The following IGFN1 variants were observed in gnomAD, a reference collection of about 807,000 sequenced individuals.
IGFN1 encodes immunoglobulin like and fibronectin type III domain containing 1, also known as immunoglobulin-like and fibronectin type III domain-containing protein 1.
Under a neutral mutation model 289.5 loss-of-function variants are expected in IGFN1, and 253 were observed. The observed-to-expected ratio is 0.87, with a 90% CI of 0.79 to 0.97. The LOEUF (loss-of-function observed/expected upper bound fraction) is 0.97, where lower values mean the gene tolerates loss of function less well. IGFN1 is among the 50% of genes least tolerant of loss of function. The pLI is 0.00. For synonymous variants in IGFN1, 1,706 were observed against 1,788.5 expected, an observed-to-expected ratio of 0.95 and a Z score of 1.16; for missense variants, 4,470 against 4,686.1, an observed-to-expected ratio of 0.95 and a Z score of 1.35.
In IGFN1 at chr1:201,208,240, G is replaced by A; in HGVS notation, c.3347G>A (p.Arg1116Lys). ...GAACCAGAGAGCTCTGGAAGAATAA[G>A]GCCTTGGGGTCAGACTGGAAATTAT... ...EAEPESSGRI[R>K]PWGQTGNYGG... The change falls in exon 12 of 24, where the codon AGG becomes AAG. Residue 1116 changes from arginine (R) to lysine (K), a missense_variant. Physicochemically the swap from Arg to Lys is conservative, Grantham distance 26. Around this residue, in one of 8 missense-constraint regions of IGFN1, gnomAD observed 2,011 missense variants for 1,953.4 expected, o/e 1.03. Transcript: ENST00000335211. The A allele has an allele frequency of 1.3e-6, 2 of 1,536,500 alleles. No individual in the cohort carries two copies. Among genetic ancestry groups the A allele is most frequent in the Non-Finnish European group, 1.7e-6 (2 of 1,146,790 alleles).
At chr1:201,214,719 T>G (rs558021056) in intron 13 of IGFN1, among the ~76,000 whole-genome samples, 1 of 152,206 alleles carries the variant, frequency 6.6e-6, no homozygotes, top group South Asian at 2.1e-4. Flanking sequence ...CAGTATCAGC[T>G]AAGTCTGGCT....
chr1:201,204,582 G>C (rs1013483770), intron 10 of IGFN1, among the ~76,000 whole-genome samples: 1 of 152,234 alleles, frequency 6.6e-6, no homozygotes, highest in South Asian at 2.1e-4. Context: ...ATGGGGCTTT[G>C]GAAAGCCTGA....
chr1:201,207,499 G>T lies in IGFN1; in HGVS notation c.2606G>T (p.Gly869Val), dbSNP rs1415402978. ...CCCAGTGGAGGACAAGAGGGTATGG[G>T]TGGTATCTGGGTGGCTGGACTGACG... is the stretch of plus-strand genomic sequence containing the variant. ...LGPSGGQEGM[G>V]GIWVAGLTES... The change falls in exon 12 of 24, where the codon GGT becomes GTT. Residue 869 changes from glycine (G) to valine (V), a missense_variant. By Grantham distance (109) the Gly-to-Val change is moderately radical. This residue lies in a region of IGFN1 where 2,011 missense variants were observed against 1,953.4 expected (regional missense o/e 1.03). Coordinates refer to ENST00000335211, the MANE Select transcript of IGFN1 (RefSeq NM_001164586.2). The T allele has an allele frequency of 3.3e-6, 5 of 1,535,074 alleles. No individual in the cohort carries two copies. The South Asian group carries it at 6.0e-5, about 18-fold the overall frequency.
At chr1:201,224,175 C>A (rs533304061) in intron 20 of IGFN1, among the ~76,000 whole-genome samples, 9 of 152,292 alleles carry the variant, frequency 5.9e-5, no homozygotes, top group African/African-American at 2.2e-4. Flanking sequence ...TCAGGGTCAC[C>A]ACAGTTCAAG....
rs1667838165 is a variant in IGFN1 at position 201,212,002 on chromosome 1, C to T, written c.7109C>T (p.Ser2370Leu). ...TCAGGGAGGCTTGGAGTACCAGGCT[C>T]ACTGGCTGGAATAGGACATGAGGCT... ...DGSGRLGVPGSLAGIGHEAGP... is the reference protein window; with the variant it reads ...DGSGRLGVPGLLAGIGHEAGP... The change falls in exon 12 of 24, where the codon TCA (serine) becomes TTA (leucine). Residue 2370 changes from serine (S) to leucine (L), a missense_variant. Ser to Leu is a moderately radical substitution (Grantham distance 145). Coordinates refer to ENST00000335211, the MANE Select transcript of IGFN1 (RefSeq NM_001164586.2). 2 of 1,535,784 alleles carry T rather than the reference C, an allele frequency of 1.3e-6. No individual in the cohort carries two copies. Among genetic ancestry groups the T allele is most frequent in the South Asian group, 1.2e-5 (1 of 84,000 alleles).
At chr1:201,220,182 TTC>T (rs3057870) in intron 18 of IGFN1, among the ~76,000 whole-genome samples, 126,317 of 141,818 alleles carry the variant, frequency 0.89, 56,264 homozygotes, top group East Asian at 0.98. Context: ...ATCCCTTTCT[TTC>T]TCTCTCTCTC....
intron 2 of IGFN1, 151 bp from the exon 3 acceptor site, chr1:201,194,003 A>G: frequency 1.3e-6 from 1 of 779,184 alleles, no homozygotes. Flanking sequence ...GTGCACAGGC[A>G]GGAGGTACTA....
In IGFN1 at chr1:201,216,598, C is replaced by G; in HGVS notation, c.9440C>G (p.Thr3147Ser). ...VVERRQAGRS[T>S]WLKVGEAPAD... ...GAGAGACGGCAGGCTGGCAGGAGCA[C>G]TTGGCTGAAGGTGGGCGAGGCCCCC... The change falls in exon 16 of 24, where the codon ACT (threonine) becomes AGT (serine). Residue 3147 changes from threonine (T) to serine (S), a missense_variant. Physicochemically the swap from Thr to Ser is moderately conservative, Grantham distance 58. Around this residue, in one of 8 missense-constraint regions of IGFN1, gnomAD observed 2,218 missense variants for 2,114.1 expected, o/e 1.05. Coordinates refer to ENST00000335211, the MANE Select transcript of IGFN1 (RefSeq NM_001164586.2). The G allele has an allele frequency of 6.2e-7, 1 of 1,613,832 alleles. No individual in the cohort carries two copies. Among genetic ancestry groups the G allele is most frequent in the Non-Finnish European group, 8.5e-7 (1 of 1,179,886 alleles).
chr1:201,212,495 G>A lies in IGFN1; in HGVS notation c.7602G>A (p.Val2534=). The change falls in exon 12 of 24, where the codon GTG becomes GTA. Residue 2534 remains valine, a synonymous_variant. Coordinates refer to ENST00000335211, the MANE Select transcript of IGFN1 (RefSeq NM_001164586.2). ...GGTTTCTTGATGGCAAGGGGGCAGT[G>A]GAAGGTGAGACCTGGGCAGGAATGG... ...ASGFLDGKGA[V]EGETWAGMAA... is the part of the protein sequence containing the mutation. 2 of 1,542,730 alleles carry A rather than the reference G, an allele frequency of 1.3e-6. No individual in the cohort carries two copies. The highest frequency in any genetic ancestry group is 8.7e-7 in the Non-Finnish European group (1 of 1,146,856).
intron 21 of IGFN1, among the ~76,000 whole-genome samples, 178 bp from the exon 22 acceptor site, chr1:201,225,646 G>T (rs1436405038): frequency 6.6e-6 from 1 of 152,218 alleles, no homozygotes; most frequent in Non-Finnish European, 1.5e-5. Flanking sequence ...CTTTTGGGGA[G>T]ATTTTCTACC....
chr1:201,198,237 G>A (rs1666996295), intron 5 of IGFN1, among the ~76,000 whole-genome samples: 1 of 152,216 alleles, frequency 6.6e-6, no homozygotes, highest in Admixed American at 6.5e-5. Flanking sequence ...CCGGGTTCAA[G>A]CAATTCTCCT....
intron 18 of IGFN1, among the ~76,000 whole-genome samples, chr1:201,218,880 A>G (rs569414026): frequency 3.0e-3 from 458 of 152,158 alleles, no homozygotes; most frequent in Non-Finnish European, 4.8e-3. Context: ...GTGGGATTAG[A>G]GGATTCCTTC....
In IGFN1 at chr1:201,227,227, G is replaced by A; in HGVS notation, c.11113+19G>A. On this transcript the variant is annotated intron_variant, in intron 23 of 23. Transcript: ENST00000335211. ...GTCATAGGTAATGGTGGCTGCCCTG[G>A]CAGTGGGGCAGGAAGGAGAGCCAGG... The A allele has an allele frequency of 1.3e-6, 2 of 1,536,668 alleles. No homozygotes were observed. Among genetic ancestry groups the A allele is most frequent in the East Asian group, 2.4e-5 (1 of 41,012 alleles).
rs1366533593 is a variant in IGFN1 at position 201,199,340 on chromosome 1, T to C, written c.374T>C (p.Phe125Ser). 2 of 1,552,104 alleles carry C rather than the reference T, an allele frequency of 1.3e-6. No homozygotes were observed. Among genetic ancestry groups the C allele is most frequent in the Admixed American group, 2.0e-5 (1 of 50,998 alleles). Residue 125 changes from phenylalanine (F) to serine (S), a missense_variant, in exon 6 of 24, where the codon TTT becomes TCT. By Grantham distance (155) the Phe-to-Ser change is radical. Coordinates refer to ENST00000335211, the MANE Select transcript of IGFN1 (RefSeq NM_001164586.2). ...SVRLTVIEVG[F>S]RKNRKRHREP... ...TCCTCCCTGGATGTTGCAGTTGGCTTTCGGAAGAATCGGAAGAGGCACAGG... is the reference window on the plus strand; with the variant it reads ...TCCTCCCTGGATGTTGCAGTTGGCTCTCGGAAGAATCGGAAGAGGCACAGG...
intron 16 of IGFN1, 33 bp from the exon 17 acceptor site, chr1:201,217,254 C>A (rs748513646): frequency 1.9e-6 from 3 of 1,603,982 alleles, no homozygotes; most frequent in Admixed American, 1.7e-5. Flanking sequence ...CTTTCCCAGG[C>A]CTCTGGCTGA....
chr1:201,211,639 A>C lies in IGFN1; in HGVS notation c.6746A>C (p.Asp2249Ala). The C allele has an allele frequency of 6.5e-7, 1 of 1,527,380 alleles. No individual in the cohort carries two copies. Among genetic ancestry groups the C allele is most frequent in the Non-Finnish European group, 8.7e-7 (1 of 1,143,296 alleles). 94.6% of individuals were successfully genotyped at this position (1,527,380 alleles called of 1,614,324 possible). A position where few individuals can be genotyped will look rare whatever the true frequency, so the allele number is the denominator to read the frequency against. Residue 2249 changes from aspartate (D) to alanine (A), a missense_variant, in exon 12 of 24, where the codon GAT becomes GCT. Coordinates refer to ENST00000335211, the MANE Select transcript of IGFN1 (RefSeq NM_001164586.2). Reference sequence around the variant, plus strand: ...GAAATGGGGTCAATGGATGAGGCAGATTATAGGAAGGATTTGGGAGCTCCT... The same window carrying C: ...GAAATGGGGTCAATGGATGAGGCAGCTTATAGGAAGGATTTGGGAGCTCCT... The part of the protein sequence containing the change: ...SGEMGSMDEA[D>A]YRKDLGAPEE...
chr1:201,218,845 C>T (rs1653516881), intron 18 of IGFN1, among the ~76,000 whole-genome samples, 187 bp downstream of exon 18: 2 of 151,998 alleles, frequency 1.3e-5, no homozygotes, highest in Admixed American at 6.6e-5. Context: ...CCTACGTGAG[C>T]TCAAACAGGC....
Position 201,202,878 on chromosome 1 carries a change from C to T in IGFN1, c.748-860C>T, listed in dbSNP as rs1667229266. Among the ~76,000 whole-genome samples the T allele has an allele frequency of 2.0e-5, 3 of 151,688 alleles. No homozygotes were observed. In the South Asian group the frequency reaches 6.3e-4, roughly 32 times the overall value. On this transcript the variant is annotated intron_variant, in intron 9 of 23. Coordinates refer to ENST00000335211, the MANE Select transcript of IGFN1 (RefSeq NM_001164586.2). ...TCAAGTGATTCTCCTGCCTCAGCCTCCCGAGTAGCTGGGATTACAGGTGTT... is the reference window on the plus strand; with the variant it reads ...TCAAGTGATTCTCCTGCCTCAGCCTTCCGAGTAGCTGGGATTACAGGTGTT...
At chr1:201,216,996 T>C (rs1653352911) in intron 16 of IGFN1, among the ~76,000 whole-genome samples, 1 of 152,034 alleles carries the variant, frequency 6.6e-6, no homozygotes, top group South Asian at 2.1e-4. Flanking sequence ...CTGTCGCGGG[T>C]CCCAGGGAGA....
Sources: allele counts gnomAD v4.1 joint callset (sites outside exome capture counted in the v4.1 genomes callset), GRCh38; gene constraint gnomAD v4.1.1; regional missense constraint gnomAD v4.1.1; transcripts MANE v1.5; gene names NCBI Gene and HGNC (gene_info 2026-07-23, HGNC 2026-07-21).